CPEB3: variants seen among roughly 807,000 people sequenced by gnomAD.
The protein encoded by CPEB3 is cytoplasmic polyadenylation element-binding protein 3.
Under a neutral mutation model 67.2 loss-of-function variants are expected in CPEB3, and 20 were observed. The observed-to-expected ratio is 0.30, with a 90% CI of 0.21 to 0.43. CPEB3 has a LOEUF of 0.43. Ranked by LOEUF, CPEB3 falls within the 20% of genes least tolerant of loss-of-function variation. The probability of loss-of-function intolerance (pLI) is 1.00; values close to 1 mark genes in which losing one functional copy is unlikely to be tolerated. For missense variants in CPEB3, 746 were observed against 968.6 expected (o/e 0.77, Z 3.05); for synonymous variants, 376 against 393.1 (o/e 0.96, Z 0.51).
chr10:92,157,026 G>A lies in CPEB3; in HGVS notation c.1223-11941C>T, dbSNP rs545919804. Among the ~76,000 whole-genome samples, 3 of 152,266 alleles carry A rather than the reference G, an allele frequency of 2.0e-5. No homozygotes were observed. The East Asian group carries it at 5.8e-4, about 29-fold the overall frequency. ...AAAGTCAGAGACAGCCTGATGAATG[G>A]TAAACATTAGCAAATAAAGAGCCAA... On this transcript the variant is annotated intron_variant, in intron 4 of 9. Coordinates refer to ENST00000265997, the MANE Select transcript of CPEB3 (RefSeq NM_014912.5).
At chr10:92,101,738 T>C (rs1844198407) in intron 7 of CPEB3, among the ~76,000 whole-genome samples, 1 of 152,036 alleles carries the variant, frequency 6.6e-6, no homozygotes, top group South Asian at 2.1e-4. Context: ...GAAACCCCCA[T>C]CTCTACTAAA....
At chr10:92,170,193 C>T (rs1847938026) in intron 4 of CPEB3, among the ~76,000 whole-genome samples, 1 of 152,140 alleles carries the variant, frequency 6.6e-6, no homozygotes, top group African/African-American at 2.4e-5. Flanking sequence ...GTACAAAATG[C>T]AAGCTCAAGG....
intron 2 of CPEB3, among the ~76,000 whole-genome samples, chr10:92,194,135 A>G (rs989208939): frequency 2.0e-5 from 3 of 151,040 alleles, no homozygotes; most frequent in Admixed American, 2.0e-4. Context: ...CATATATTGG[A>G]TACACTTTTT....
intron 9 of CPEB3, among the ~76,000 whole-genome samples, chr10:92,058,392 C>CA (rs200676444): frequency 8.9e-4 from 135 of 151,462 alleles, no homozygotes; most frequent in East Asian, 3.5e-3. Flanking sequence ...CTAAAAAATA[C>CA]AAAAAAAATT....
At chr10:92,096,098 A>G (rs1426690236) in intron 7 of CPEB3, among the ~76,000 whole-genome samples, 3 of 150,976 alleles carry the variant, frequency 2.0e-5, no homozygotes, top group Non-Finnish European at 2.9e-5. Flanking sequence ...GCTGGTCTCA[A>G]ACTTGACCTC....
At chr10:92,057,856 C>G (rs1332968320) in intron 9 of CPEB3, among the ~76,000 whole-genome samples, 1 of 152,204 alleles carries the variant, frequency 6.6e-6, no homozygotes, top group Non-Finnish European at 1.5e-5. Context: ...GGCAGCACGT[C>G]TATGAGTCTG....
intron 4 of CPEB3, among the ~76,000 whole-genome samples, chr10:92,147,074 GGGGAAATGAAATAATCT>G (rs1846720862): frequency 6.6e-6 from 1 of 152,142 alleles, no homozygotes; most frequent in Admixed American, 6.5e-5. Context: ...AGCTGGGGAA[GGGGAAATGAAATAATCT>G]GGGAAAATAA....
chr10:92,269,241 C>T (rs548929932), intron 1 of CPEB3, among the ~76,000 whole-genome samples: 5 of 151,826 alleles, frequency 3.3e-5, no homozygotes, highest in African/African-American at 1.2e-4. Context: ...CCCATGAAGA[C>T]GGGATTTGGG....
chr10:92,199,493 C>A (rs1290024354), intron 2 of CPEB3, among the ~76,000 whole-genome samples: 14 of 151,408 alleles, frequency 9.2e-5, no homozygotes, highest in Non-Finnish European at 5.9e-5. Context: ...GAGTTCGAGA[C>A]CATCCTGGCT....
chr10:92,140,784 G>GA (rs1443438595), intron 6 of CPEB3, among the ~76,000 whole-genome samples: 6 of 111,536 alleles, frequency 5.4e-5, no homozygotes, highest in Non-Finnish European at 9.0e-5. Context: ...AAATTTACAA[G>GA]AAAAAAACAA....
chr10:92,127,435 G>C (rs750040359), intron 6 of CPEB3, among the ~76,000 whole-genome samples: 4 of 152,132 alleles, frequency 2.6e-5, no homozygotes, highest in Non-Finnish European at 5.9e-5. Flanking sequence ...TAGCACTTTG[G>C]GAGACCGAGG....
Position 92,216,728 on chromosome 10 carries a change from G to A in CPEB3, c.1005+22618C>T, listed in dbSNP as rs1445651099. 7 of 1,607,742 alleles carry A rather than the reference G, an allele frequency of 4.4e-6. No homozygotes were observed. In the African/African-American group the frequency reaches 8.0e-5, roughly 18 times the overall value. On this transcript the variant is annotated intron_variant, in intron 2 of 9. Coordinates refer to ENST00000265997, the MANE Select transcript of CPEB3 (RefSeq NM_014912.5). Reference sequence around the variant, plus strand: ...CTGTGTGATAATGGTCAAGCCCCACGAGGAGTACCAGGAGGCTTACGACGA... The same window carrying A: ...CTGTGTGATAATGGTCAAGCCCCACAAGGAGTACCAGGAGGCTTACGACGA...
chr10:92,216,388 C>T (rs1305262574), intron 2 of CPEB3: 12 of 1,612,238 alleles, frequency 7.4e-6, no homozygotes, highest in Admixed American at 1.7e-5. Flanking sequence ...AGGTGTGTTC[C>T]GGGGAGCGCA....
intron 1 of CPEB3, among the ~76,000 whole-genome samples, chr10:92,252,862 G>A (rs1325054517): frequency 6.6e-6 from 1 of 152,030 alleles, no homozygotes; most frequent in Non-Finnish European, 1.5e-5. Context: ...TTGCATGAAT[G>A]CAATGCTAAG....
At chr10:92,109,256 A>T (rs1564786714) in intron 7 of CPEB3, among the ~76,000 whole-genome samples, 6 of 140,742 alleles carry the variant, frequency 4.3e-5, no homozygotes. Flanking sequence ...TTGGGTACAG[A>T]TTTTTTTTTT....
chr10:92,235,295 A>G (rs1851474712), intron 2 of CPEB3, among the ~76,000 whole-genome samples: 1 of 152,092 alleles, frequency 6.6e-6, no homozygotes, highest in Non-Finnish European at 1.5e-5. Flanking sequence ...AAAATACAAA[A>G]ATTAGCCAGG....
At chr10:92,124,945 G>T (rs544799139) in intron 6 of CPEB3, among the ~76,000 whole-genome samples, 2 of 152,310 alleles carry the variant, frequency 1.3e-5, no homozygotes, top group East Asian at 3.9e-4. Flanking sequence ...CCTCAAGCAG[G>T]ATCTCCTTAG....
chr10:92,157,579 G>C (rs1847265476), intron 4 of CPEB3, among the ~76,000 whole-genome samples: 1 of 152,146 alleles, frequency 6.6e-6, no homozygotes, highest in South Asian at 2.1e-4. Context: ...AAGCAAGTGA[G>C]AGGCTCTGAA....
chr10:92,208,315 T>C (rs1305718044), intron 2 of CPEB3, among the ~76,000 whole-genome samples: 1 of 152,188 alleles, frequency 6.6e-6, no homozygotes. Context: ...GACTCCTTTG[T>C]GGTAGAATGC....
Sources: gnomAD v4.1 joint callset for allele counts (sites outside exome capture counted in the v4.1 genomes callset) on GRCh38, gnomAD v4.1.1 for gene constraint, MANE v1.5 for transcripts, NCBI Gene and HGNC (gene_info 2026-07-23, HGNC 2026-07-21) for gene names.